The following LATS2 variants were observed in gnomAD, a reference collection of about 807,000 sequenced individuals.
The protein encoded by LATS2 is large tumor suppressor kinase 2, also known as serine/threonine-protein kinase LATS2.
Under a neutral mutation model 76.0 loss-of-function variants are expected in LATS2, and 24 were observed. The observed-to-expected ratio is 0.32, with a 90% CI of 0.23 to 0.44. The LOEUF is 0.44. LATS2 is among the 20% of genes least tolerant of loss of function. LATS2 has a pLI of 1.00. For missense variants in LATS2, 1,286 were observed against 1,481.2 expected (o/e 0.87, Z 2.16); for synonymous variants, 692 against 635.4 (o/e 1.09, Z -1.34).
intron 5 of LATS2, among the ~76,000 whole-genome samples, chr13:20,982,140 A>T (rs1006426236): frequency 2.6e-5 from 4 of 152,264 alleles, no homozygotes; most frequent in Admixed American, 2.6e-4. Flanking sequence ...AAAAAGACTA[A>T]GTGATGATAT....
intron 2 of LATS2, among the ~76,000 whole-genome samples, chr13:21,022,064 T>G (rs967368121): frequency 1.3e-5 from 2 of 152,196 alleles, no homozygotes; most frequent in Admixed American, 6.5e-5. Flanking sequence ...AAAAGACTAT[T>G]TTCGTGGGTT....
chr13:20,998,664 C>T (rs1870874883), intron 2 of LATS2, among the ~76,000 whole-genome samples: 1 of 152,226 alleles, frequency 6.6e-6, no homozygotes, highest in Admixed American at 6.5e-5. Context: ...CTAACCGCCC[C>T]ACCATTGCGT....
chr13:21,061,575 T>G lies in LATS2; in HGVS notation c.-434A>C, dbSNP rs1873652173. ...GGGACATTCGCTACATTGTTGGCATTCCACGGGCGTCACGTGACCCCGCCT... is the reference window on the plus strand; with the variant it reads ...GGGACATTCGCTACATTGTTGGCATGCCACGGGCGTCACGTGACCCCGCCT... On this transcript the variant is annotated 5_prime_UTR_variant, in exon 1 of 8. Transcript: ENST00000382592. 6 of 152,554 alleles carry G rather than the reference T, an allele frequency of 3.9e-5. No individual in the cohort carries two copies. The highest frequency in any genetic ancestry group is 3.9e-4 in the Admixed American group (6 of 15,276). 9.5% of individuals were successfully genotyped at this position (152,554 alleles called of 1,614,324 possible).
chr13:20,979,741 C>T lies in LATS2; in HGVS notation c.2722G>A (p.Val908Met), dbSNP rs1869783321. The T allele has an allele frequency of 6.2e-7, 1 of 1,612,720 alleles. No individual in the cohort carries two copies. The highest frequency in any genetic ancestry group is 1.7e-5 in the Admixed American group (1 of 59,946). ...GGTGCCAAAAAGGGCGGCTGCCCCA[C>T]CAGCATCTCGAAGAGAATCACTCCA... ...SVGVILFEMLVGQPPFLAPTP... is the reference protein window; with the variant it reads ...SVGVILFEMLMGQPPFLAPTP... Residue 908 changes from valine (V) to methionine (M), a missense_variant, in exon 7 of 8, where the codon GTG becomes ATG. Coordinates refer to ENST00000382592, the MANE Select transcript of LATS2 (RefSeq NM_014572.3).
At chr13:20,982,373 G>A (rs1161522027) in intron 5 of LATS2, among the ~76,000 whole-genome samples, 3 of 152,192 alleles carry the variant, frequency 2.0e-5, no homozygotes, top group East Asian at 3.9e-4. Context: ...GCGCAATGGC[G>A]CGATCTCAGC....
intron 2 of LATS2, among the ~76,000 whole-genome samples, chr13:21,017,311 A>G (rs1473252588): frequency 2.0e-5 from 3 of 152,188 alleles, no homozygotes; most frequent in African/African-American, 4.8e-5. Context: ...CTTCCCTTAC[A>G]TAGAGGTGAT....
chr13:21,030,482 G>A (rs796392534), intron 2 of LATS2, among the ~76,000 whole-genome samples: 140 of 151,078 alleles, frequency 9.3e-4, no homozygotes, highest in Non-Finnish European at 3.0e-4. Context: ...CCAGCTACTC[G>A]GCAGGCTGAG....
intron 1 of LATS2, among the ~76,000 whole-genome samples, chr13:21,055,271 A>C (rs73445534): frequency 6.6e-6 from 1 of 151,800 alleles, no homozygotes; most frequent in African/African-American, 2.4e-5. Context: ...TCTTTCATCA[A>C]GAGTTTTATA....
At chr13:21,045,147 T>C (rs1595254993) in intron 2 of LATS2, among the ~76,000 whole-genome samples, 1 of 152,176 alleles carries the variant, frequency 6.6e-6, no homozygotes. Context: ...GCTTTTTCTT[T>C]CTAGTTTTTC....
intron 1 of LATS2, among the ~76,000 whole-genome samples, chr13:21,052,735 C>T (rs775264550): frequency 3.1e-4 from 47 of 152,152 alleles, no homozygotes; most frequent in Non-Finnish European, 6.0e-4. Flanking sequence ...GACAGAAAAA[C>T]ACAGAGAAGA....
intron 2 of LATS2, among the ~76,000 whole-genome samples, chr13:21,025,818 A>T (rs919053187): frequency 6.6e-6 from 1 of 152,204 alleles, no homozygotes; most frequent in Non-Finnish European, 1.5e-5. Flanking sequence ...GCTAGAAAAA[A>T]GCAGAGCTGT....
intron 4 of LATS2, among the ~76,000 whole-genome samples, chr13:20,985,573 T>C (rs1338086329): frequency 1.3e-5 from 2 of 151,756 alleles, no homozygotes; most frequent in African/African-American, 4.8e-5. Flanking sequence ...ACCCCGTCTC[T>C]ACTAAACATA....
Position 20,979,986 on chromosome 13 carries a change from T to C in LATS2, c.2666-189A>G, listed in dbSNP as rs558417482. Reference sequence around the variant, plus strand: ...GTGGGGTGGTGGGGGGCGGTGGCCATGGCCGCTTAGGTTTTTGTATTTTTA... The same window carrying C: ...GTGGGGTGGTGGGGGGCGGTGGCCACGGCCGCTTAGGTTTTTGTATTTTTA... On this transcript the variant is annotated intron_variant, in intron 6 of 7. Transcript: ENST00000382592. Among the ~76,000 whole-genome samples the C allele has an allele frequency of 8.5e-4, 130 of 152,352 alleles. 1 individual carries two copies. The highest frequency in any genetic ancestry group is 3.1e-3 in the African/African-American group (128 of 41,580).
chr13:21,054,093 GA>G (rs1008987425), intron 1 of LATS2, among the ~76,000 whole-genome samples: 4 of 152,240 alleles, frequency 2.6e-5, no homozygotes, highest in African/African-American at 9.6e-5. Flanking sequence ...TAAAAATGGG[GA>G]AAAAAGTCTC....
At chr13:21,028,087 A>G (rs1348685287) in intron 2 of LATS2, among the ~76,000 whole-genome samples, 2 of 149,596 alleles carry the variant, frequency 1.3e-5, no homozygotes, top group East Asian at 3.9e-4. Flanking sequence ...CCCTTCCCCC[A>G]CCCCACAACA....
At chr13:21,049,065 C>T (rs1873171984) in intron 1 of LATS2, among the ~76,000 whole-genome samples, 2 of 152,084 alleles carry the variant, frequency 1.3e-5, no homozygotes, top group African/African-American at 4.8e-5. Flanking sequence ...AATGGAATTC[C>T]AGCTAGAGGG....
intron 2 of LATS2, among the ~76,000 whole-genome samples, chr13:21,032,179 A>T (rs1409191265): frequency 6.6e-6 from 1 of 152,152 alleles, no homozygotes; most frequent in African/African-American, 2.4e-5. Flanking sequence ...TGGGTTAGGT[A>T]CTCTGTTTTA....
At chr13:21,060,474 C>T (rs1310145668) in intron 1 of LATS2, among the ~76,000 whole-genome samples, 5 of 152,230 alleles carry the variant, frequency 3.3e-5, no homozygotes, top group Non-Finnish European at 7.4e-5. Flanking sequence ...CCGCGTCCCG[C>T]CAAGACCGTG....
chr13:20,978,953 G>A (rs572556258), intron 7 of LATS2, among the ~76,000 whole-genome samples: 2 of 152,156 alleles, frequency 1.3e-5, no homozygotes, highest in African/African-American at 4.8e-5. Flanking sequence ...AGTAGAGACG[G>A]GTTTCGCCAT....
Sources: gnomAD v4.1 joint callset for allele counts (sites outside exome capture counted in the v4.1 genomes callset) on GRCh38, gnomAD v4.1.1 for gene constraint, MANE v1.5 for transcripts, NCBI Gene and HGNC (gene_info 2026-07-23, HGNC 2026-07-21) for gene names.